CRISP1: variants seen among roughly 807,000 people sequenced by gnomAD.
CRISP1 encodes the protein cysteine-rich secretory protein 1.
In CRISP1, 44 loss-of-function variants were observed where a neutral mutation model predicts 33.1. The observed-to-expected ratio is 1.33, with a 90% CI of 1.05 to 1.71. CRISP1 has a LOEUF of 1.71. Among genes scored for constraint, CRISP1 ranks in the 40% most tolerant of loss-of-function variants. The pLI, the probability that CRISP1 is intolerant of heterozygous loss-of-function variation, is 0.00. For synonymous variants in CRISP1, 103 were observed against 98.7 expected (o/e 1.04, Z -0.26); for missense variants, 390 against 301.2 (o/e 1.29, Z -2.18).
In CRISP1 at chr6:49,862,936, A is replaced by G. The variant is rs148475004; in HGVS notation, c.-3+3493T>C. On this transcript the variant is annotated intron_variant, in intron 1 of 7. Transcript: ENST00000335847. ...AAGTTAATAATTCAACATCAGAAGT[A>G]AATTAAGCATTTCAGAATGAGGATT... is the stretch of plus-strand genomic sequence containing the variant. Among the ~76,000 whole-genome samples, 287 of 152,270 alleles carry G rather than the reference A, an allele frequency of 1.9e-3. 2 individuals are homozygous for G. The highest frequency in any genetic ancestry group is 6.7e-3 in the African/African-American group (279 of 41,564).
intron 1 of CRISP1, among the ~76,000 whole-genome samples, chr6:49,874,231 A>G (rs1771984333): frequency 6.6e-6 from 1 of 152,124 alleles, no homozygotes; most frequent in Non-Finnish European, 1.5e-5. Context: ...AATAGTAAAT[A>G]TGGCAATTCT....
chr6:49,852,097 G>A lies in CRISP1; in HGVS notation c.99C>T (p.Leu33=), dbSNP rs776060725. 1.2e-5 allele frequency: 20 copies of A among 1,613,078 alleles called. No homozygotes were observed. The highest frequency in any genetic ancestry group is 1.1e-4 in the East Asian group (5 of 44,844). ...CTTGTACATTTGGCAAGTCGGTGAC[G>A]AGCTTATTAAATTGGTCTCTAGCTG... ...KKSARDQFNK[L]VTDLPNVQEE... The change falls in exon 3 of 8, where the codon CTC becomes CTT. Residue 33 remains leucine (L), a synonymous_variant. Transcript: ENST00000335847.
chr6:49,854,827 T>C (rs528248890), intron 2 of CRISP1, among the ~76,000 whole-genome samples: 17 of 151,596 alleles, frequency 1.1e-4, no homozygotes, highest in Non-Finnish European at 1.8e-4. Context: ...AGGGGGAGAG[T>C]GCTCCTGCCA....
At chr6:49,844,116 G>A (rs1022858588) in intron 5 of CRISP1, among the ~76,000 whole-genome samples, 1 of 152,164 alleles carries the variant, frequency 6.6e-6, no homozygotes, top group African/African-American at 2.4e-5. Context: ...ACAATCATTA[G>A]CCCATCTATA....
rs3056388 is a variant in CRISP1, at chr6:49,852,846, TTGTGTGTGTGTG to T, written c.67-729_67-718del. Among the ~76,000 whole-genome samples the T allele has an allele frequency of 9.0e-3, 1,317 of 145,554 alleles. 23 individuals are homozygous for T. Among genetic ancestry groups the T allele is most frequent in the Non-Finnish European group, 9.5e-3 (627 of 65,920 alleles). On this transcript the variant is annotated intron_variant, in intron 2 of 7. Coordinates refer to ENST00000335847, the MANE Select transcript of CRISP1 (RefSeq NM_001131.3). ...GCATTAATCGCTATAAAGAGAATCT[TTGTGTGTGTGTG>T]TGTGTGTGTGTGTGTGTGTGTGTGT...
At chr6:49,872,816 G>A (rs992347050) in intron 1 of CRISP1, among the ~76,000 whole-genome samples, 1 of 152,172 alleles carries the variant, frequency 6.6e-6, no homozygotes, top group Non-Finnish European at 1.5e-5. Flanking sequence ...TTGCAGTATA[G>A]TTTGAAGTCA....
chr6:49,854,569 C>G (rs1771441790), intron 2 of CRISP1, among the ~76,000 whole-genome samples: 1 of 152,134 alleles, frequency 6.6e-6, no homozygotes, highest in Admixed American at 6.5e-5. Context: ...AAACAAGCAA[C>G]CATCATTTCA....
chr6:49,841,997 C>T (rs1771006205), intron 5 of CRISP1, among the ~76,000 whole-genome samples: 1 of 152,172 alleles, frequency 6.6e-6, no homozygotes, highest in Non-Finnish European at 1.5e-5. Context: ...GTAGCTTTCT[C>T]ACAGTCCTAG....
At chr6:49,846,456 G>A in intron 5 of CRISP1, 64 bp downstream of exon 5, 1 of 1,500,524 alleles carries the variant, frequency 6.7e-7, no homozygotes, top group Admixed American at 2.0e-5. Context: ...TTGTTTCTTA[G>A]TTACGTTTCC....
intron 1 of CRISP1, among the ~76,000 whole-genome samples, chr6:49,866,056 T>A (rs1052126539): frequency 2.3e-4 from 35 of 152,194 alleles, no homozygotes; most frequent in African/African-American, 8.2e-4. Flanking sequence ...TATGGCCCCT[T>A]ATTACTGGCT....
chr6:49,844,615 G>A (rs1034014896), intron 5 of CRISP1, among the ~76,000 whole-genome samples: 6 of 152,166 alleles, frequency 3.9e-5, no homozygotes, highest in African/African-American at 1.4e-4. Flanking sequence ...GAGCTAAAGG[G>A]AAAAGGCTGC....
rs867314509 is a variant in CRISP1 at position 49,852,037 on chromosome 6, TCTC to T, written c.156_158del (p.Arg54del). 1.2e-6 allele frequency: 2 copies of T among 1,612,176 alleles called. No individual in the cohort carries two copies. The highest frequency in any genetic ancestry group is 1.3e-5 in the African/African-American group (1 of 74,936). ...TGTTGCTGGCTGGTGGAACTACTCT[TCTC>T]CTGAGGGCGTTGTGTATATTAACGA... is the stretch of plus-strand genomic sequence containing the variant. On this transcript the variant is annotated inframe_deletion, in exon 3 of 8. Transcript: ENST00000335847.
intron 1 of CRISP1, among the ~76,000 whole-genome samples, chr6:49,873,439 C>T (rs1234650764): frequency 1.3e-5 from 2 of 151,988 alleles, no homozygotes; most frequent in Non-Finnish European, 2.9e-5. Flanking sequence ...TTTTAGTTTA[C>T]ACTTTGGCAG....
chr6:49,858,733 C>A (rs1246412594), intron 1 of CRISP1, among the ~76,000 whole-genome samples: 1 of 151,772 alleles, frequency 6.6e-6, no homozygotes, highest in Non-Finnish European at 1.5e-5. Flanking sequence ...TTCTAATGCT[C>A]AAAAAATCTA....
At chr6:49,839,488 A>C (rs1770915706) in intron 6 of CRISP1, among the ~76,000 whole-genome samples, 2 of 151,976 alleles carry the variant, frequency 1.3e-5, no homozygotes, top group Non-Finnish European at 2.9e-5. Context: ...ATTCTTACCC[A>C]TGTATGTCTA....
intron 1 of CRISP1, among the ~76,000 whole-genome samples, chr6:49,858,647 C>T (rs1264386303): frequency 1.3e-5 from 2 of 152,110 alleles, no homozygotes. Flanking sequence ...CTTTCTCCCT[C>T]CAAATGTTCA....
intron 1 of CRISP1, among the ~76,000 whole-genome samples, chr6:49,863,984 G>C (rs1019594191): frequency 2.0e-5 from 3 of 152,124 alleles, no homozygotes; most frequent in Non-Finnish European, 2.9e-5. Context: ...CTATGTATAT[G>C]CTAGTGTAAC....
At chr6:49,852,171 T>C (rs1438469587) in intron 2 of CRISP1, 42 bp from the exon 3 acceptor site, 9 of 1,592,944 alleles carry the variant, frequency 5.6e-6, no homozygotes, top group Non-Finnish European at 7.7e-6. Context: ...TTCTTTTAAG[T>C]GGAATTTGTC....
At chr6:49,838,328 A>T in intron 7 of CRISP1, 109 bp downstream of exon 7, 1 of 766,694 alleles carries the variant, frequency 1.3e-6, no homozygotes, top group Non-Finnish European at 2.2e-6. Flanking sequence ...TACATGAATG[A>T]GATGAAAGTT....
Sources: allele counts gnomAD v4.1 joint callset (sites outside exome capture counted in the v4.1 genomes callset), GRCh38; gene constraint gnomAD v4.1.1; transcripts MANE v1.5; gene names NCBI Gene and HGNC (gene_info 2026-07-23, HGNC 2026-07-21).